ADGRB2: variants seen among roughly 807,000 people sequenced by gnomAD.
ADGRB2 encodes adhesion G protein-coupled receptor B2, also known as brain-specific angiogenesis inhibitor 2.
ADGRB2 carries 47 observed loss-of-function variants against 178.7 expected under a neutral mutation model. The ratio of observed to expected loss-of-function variants is 0.26; its 90% CI spans 0.21 to 0.34. The LOEUF is 0.34. Ranked by LOEUF, ADGRB2 falls within the 10% of genes least tolerant of loss-of-function variation. The pLI, the probability that ADGRB2 is intolerant of heterozygous loss-of-function variation, is 1.00. For synonymous variants in ADGRB2, 870 were observed against 912.4 expected, an observed-to-expected ratio of 0.95 and a Z score of 0.84; for missense variants, 1,584 against 2,180.8, an observed-to-expected ratio of 0.73 and a Z score of 5.45.
intron 20 of ADGRB2, 59 bp from the exon 21 acceptor site, chr1:31,736,782 CGGGCTTCCCACGCCCGCTGCT>C: frequency 6.4e-7 from 1 of 1,565,998 alleles, no homozygotes; most frequent in South Asian, 1.2e-5. Flanking sequence ...CAGGAGGCGC[CGGGCTTCCCACGCCCGCTGCT>C]GGGCGCTGCC....
At position 31,736,763 on chromosome 1, in the gene ADGRB2, C is replaced by T. The variant is rs756749395; in HGVS notation, c.2980-40G>A. The T allele has an allele frequency of 4.4e-6, 7 of 1,595,700 alleles. No homozygotes were observed. In the Admixed American group the frequency reaches 1.2e-4, roughly 28 times the overall value. ...AATGGGAGGGAGTGGCCCTGAGCAG[C>T]CGCCAGGGCAGGAGGCGCCGGGCTT... On this transcript the variant is annotated intron_variant, in intron 20 of 32. Coordinates refer to ENST00000373658, the MANE Select transcript of ADGRB2 (RefSeq NM_001364857.2).
chr1:31,732,786 G>T (rs1645360059), intron 26 of ADGRB2, among the ~76,000 whole-genome samples, 174 bp from the exon 27 acceptor site: 1 of 152,364 alleles, frequency 6.6e-6, no homozygotes, highest in East Asian at 1.9e-4. Context: ...GACCCAGGAG[G>T]CCAAGGATAA....
chr1:31,760,778 G>A (rs1647019847), intron 1 of ADGRB2: 1 of 152,150 alleles, frequency 6.6e-6, no homozygotes, highest in Non-Finnish European at 1.5e-5. Flanking sequence ...CCAGCGCTCG[G>A]ACCCAAGGAC....
intron 29 of ADGRB2, 79 bp downstream of exon 29, chr1:31,730,721 G>A: frequency 7.1e-7 from 1 of 1,401,406 alleles, no homozygotes. Context: ...CTCTGGGGAG[G>A]ATGAGGCTGT....
chr1:31,738,859 G>A lies in ADGRB2; in HGVS notation c.2574C>T (p.Ile858=), dbSNP rs867463746. The A allele has an allele frequency of 1.2e-6, 2 of 1,614,050 alleles. No individual in the cohort carries two copies. Among genetic ancestry groups the A allele is most frequent in the Non-Finnish European group, 1.7e-6 (2 of 1,180,012 alleles). Residue 858 remains isoleucine, a synonymous_variant, in exon 16 of 33, where the codon ATC becomes ATT. Coordinates refer to ENST00000373658, the MANE Select transcript of ADGRB2 (RefSeq NM_001364857.2). ...PPTQPPAEPL[I]TVELSYIING... ...TGATGATGTAGGAGAGCTCCACAGT[G>A]ATGAGGGGCTCAGCTGGAGGCTGGG...
Position 31,735,901 on chromosome 1 carries a change from G to C in ADGRB2, c.3201-8C>G, listed in dbSNP as rs201681314. 6,078 of 1,583,512 alleles carry C rather than the reference G, an allele frequency of 3.8e-3. 23 individuals carry two copies. The highest frequency in any genetic ancestry group is 4.1e-3 in the Non-Finnish European group (4,813 of 1,164,700). On this transcript the variant is annotated splice_region_variant and splice_polypyrimidine_tract_variant and intron_variant, in intron 22 of 32. Transcript: ENST00000373658. This position sits in a 1 kb window ranked among gnomAD's most constrained non-coding sequence, Gnocchi z 6.0. Reference sequence around the variant, plus strand: ...TCCAGGGAGAGCCAGCAGCTGGGGTGGGGGAGAAGAAGGGTGTCAGACACC... The same window carrying C: ...TCCAGGGAGAGCCAGCAGCTGGGGTCGGGGAGAAGAAGGGTGTCAGACACC...
At chr1:31,747,691 C>T (rs1646347269) in intron 4 of ADGRB2, among the ~76,000 whole-genome samples, 1 of 152,158 alleles carries the variant, frequency 6.6e-6, no homozygotes, top group African/African-American at 2.4e-5. Context: ...CTCTCCTTGA[C>T]CCCCAGGGAA....
chr1:31,740,350 C>T lies in ADGRB2; in HGVS notation c.1986G>A (p.Val662=), dbSNP rs767645572. 4 of 1,611,442 alleles carry T rather than the reference C, an allele frequency of 2.5e-6. No homozygotes were observed. The highest frequency in any genetic ancestry group is 2.2e-5 in the South Asian group (2 of 90,702). Residue 662 remains valine (V), a synonymous_variant, in exon 12 of 33, where the codon GTG becomes GTA. Transcript: ENST00000373658. The surrounding 1 kb of genome is among the most constrained non-coding windows in gnomAD (Gnocchi z 5.9). ...CCTCCTTCCTCCTAGGCAGTACCTG[C>T]ACATCATCAGCCGAGGGCACGTAGG... ...RATYVPSADD[V]QRFFQVVSFM...
Position 31,727,379 on chromosome 1 carries a change from G to T in ADGRB2, c.*41C>A, listed in dbSNP as rs779497391. The T allele has an allele frequency of 1.9e-5, 30 of 1,549,424 alleles. No homozygotes were observed. Among genetic ancestry groups the T allele is most frequent in the Admixed American group, 2.2e-5 (1 of 44,980 alleles). On this transcript the variant is annotated 3_prime_UTR_variant, in exon 33 of 33. Coordinates refer to ENST00000373658, the MANE Select transcript of ADGRB2 (RefSeq NM_001364857.2). This position sits in a 1 kb window ranked among gnomAD's most constrained non-coding sequence, Gnocchi z 4.4. Reference sequence around the variant, plus strand: ...CCAAAGTGGAGTGTGAAAATAGAGAGATATATATATTTATATGCAGTGGGC... The same window carrying T: ...CCAAAGTGGAGTGTGAAAATAGAGATATATATATATTTATATGCAGTGGGC...
chr1:31,759,463 C>A lies in ADGRB2; in HGVS notation c.-190-1952G>T. 2 of 743,536 alleles carry A rather than the reference C, an allele frequency of 2.7e-6. No homozygotes were observed. Among genetic ancestry groups the A allele is most frequent in the South Asian group, 1.4e-5 (1 of 70,070 alleles). The allele number at this position is 743,536 out of a possible 1,614,324, so 46.1% of individuals were successfully genotyped here. On this transcript the variant is annotated intron_variant, in intron 1 of 32. Coordinates refer to ENST00000373658, the MANE Select transcript of ADGRB2 (RefSeq NM_001364857.2). This position sits in a 1 kb window ranked among gnomAD's most constrained non-coding sequence, Gnocchi z 4.3. ...GCTGCTGCTCCCTACTCCACAGCCCCGCCCCATCAAGAAGCACAAGGTCCA... is the reference window on the plus strand; with the variant it reads ...GCTGCTGCTCCCTACTCCACAGCCCAGCCCCATCAAGAAGCACAAGGTCCA...
chr1:31,727,998 C>T lies in ADGRB2; in HGVS notation c.4572+27G>A, dbSNP rs574702708. ...GGGCACGGGTCCCTCAGGCCCACCTCACCCCACCCAGCCCGGGGGGACTCA... is the reference window on the plus strand; with the variant it reads ...GGGCACGGGTCCCTCAGGCCCACCTTACCCCACCCAGCCCGGGGGGACTCA... On this transcript the variant is annotated intron_variant, in intron 32 of 32. Transcript: ENST00000373658. The surrounding 1 kb of genome is among the most constrained non-coding windows in gnomAD (Gnocchi z 4.4). 6.5e-7 allele frequency: 1 copy of T among 1,537,694 alleles called. No individual in the cohort carries two copies. The highest frequency in any genetic ancestry group is 2.0e-5 in the Admixed American group (1 of 51,176).
Position 31,744,639 on chromosome 1 carries a change from C to T in ADGRB2, c.922+9G>A. 3.1e-6 allele frequency: 5 copies of T among 1,613,890 alleles called. No homozygotes were observed. The highest frequency in any genetic ancestry group is 4.2e-6 in the Non-Finnish European group (5 of 1,179,898). ...CCGCCGCAGAGGAAGGGAGGCGGGC[C>T]CGAGTTACCTGTCTGCGCCATGTAT... On this transcript the variant is annotated intron_variant, in intron 5 of 32. Transcript: ENST00000373658. This position sits in a 1 kb window ranked among gnomAD's most constrained non-coding sequence, Gnocchi z 6.7.
rs748330893 is a variant in ADGRB2 at position 31,755,978 on chromosome 1, C to T, written c.838+21G>A. The T allele has an allele frequency of 4.4e-6, 7 of 1,585,298 alleles. No individual in the cohort carries two copies. The South Asian group carries it at 6.9e-5, about 16-fold the overall frequency. On this transcript the variant is annotated intron_variant, in intron 4 of 32. Coordinates refer to ENST00000373658, the MANE Select transcript of ADGRB2 (RefSeq NM_001364857.2). This position sits in a 1 kb window ranked among gnomAD's most constrained non-coding sequence, Gnocchi z 5.1. Reference sequence around the variant, plus strand: ...TCAGCCCCTGCAGACCCCGCCCCACCCAGGCCCTGCTGAGACTCACCATAT... The same window carrying T: ...TCAGCCCCTGCAGACCCCGCCCCACTCAGGCCCTGCTGAGACTCACCATAT...
Position 31,753,169 on chromosome 1 carries a change from C to T in ADGRB2, c.838+2830G>A, listed in dbSNP as rs1402826223. On this transcript the variant is annotated intron_variant, in intron 4 of 32. Transcript: ENST00000373658. This position sits in a 1 kb window ranked among gnomAD's most constrained non-coding sequence, Gnocchi z 4.1. ...CTGCAGCTGGCACTAACTCTGCGGCCCGCCTTCCAGCCCTGACCTCAGCCA... is the reference window on the plus strand; with the variant it reads ...CTGCAGCTGGCACTAACTCTGCGGCTCGCCTTCCAGCCCTGACCTCAGCCA... 6.6e-6 allele frequency among the ~76,000 whole-genome samples: 1 copy of T among 152,184 alleles called. No individual in the cohort carries two copies. Among genetic ancestry groups the T allele is most frequent in the Non-Finnish European group, 1.5e-5 (1 of 68,028 alleles).
In ADGRB2 at chr1:31,735,984, C is replaced by A; in HGVS notation, c.3201-91G>T. 7.6e-7 allele frequency: 1 copy of A among 1,322,744 alleles called. No individual in the cohort carries two copies. Among genetic ancestry groups the A allele is most frequent in the Non-Finnish European group, 1.0e-6 (1 of 964,782 alleles). The allele number at this position is 1,322,744 out of a possible 1,614,324, so 81.9% of individuals were successfully genotyped here. On this transcript the variant is annotated intron_variant, in intron 22 of 32. Coordinates refer to ENST00000373658, the MANE Select transcript of ADGRB2 (RefSeq NM_001364857.2). The surrounding 1 kb of genome is among the most constrained non-coding windows in gnomAD (Gnocchi z 6.0). ...CCCTCAGTCCTCCCAGGCTGCCATG[C>A]CCGCATCACCAGTGCAGTCTGAGCC...
intron 26 of ADGRB2, 81 bp from the exon 27 acceptor site, chr1:31,732,693 G>A (rs962339334): frequency 1.4e-6 from 2 of 1,474,372 alleles, no homozygotes; most frequent in Non-Finnish European, 9.3e-7. Context: ...CACCCCAGAT[G>A]CCCAGGCAAG....
In ADGRB2 at chr1:31,757,501, C is replaced by T. The variant is rs1003375860; in HGVS notation, c.-180G>A. 4.2e-6 allele frequency: 2 copies of T among 478,626 alleles called. No homozygotes were observed. Among genetic ancestry groups the T allele is most frequent in the African/African-American group, 3.9e-5 (2 of 51,688 alleles). The allele number at this position is 478,626 out of a possible 1,614,324, so 29.6% of individuals were successfully genotyped here. ...AGTGTGGACGTCACATGTATCACTGCTGTGGATTTCCTGGTTGGAATAAGG... is the reference window on the plus strand; with the variant it reads ...AGTGTGGACGTCACATGTATCACTGTTGTGGATTTCCTGGTTGGAATAAGG... On this transcript the variant is annotated 5_prime_UTR_variant, in exon 2 of 33. Transcript: ENST00000373658.
rs1431658845 is a variant in ADGRB2 at position 31,744,035 on chromosome 1, G to C, written c.1087+158C>G. Among the ~76,000 whole-genome samples, 1 of 152,214 alleles carries C rather than the reference G, an allele frequency of 6.6e-6. No homozygotes were observed. The highest frequency in any genetic ancestry group is 2.4e-5 in the African/African-American group (1 of 41,458). On this transcript the variant is annotated intron_variant, in intron 6 of 32. Transcript: ENST00000373658. This position sits in a 1 kb window ranked among gnomAD's most constrained non-coding sequence, Gnocchi z 6.7. ...TCTGTGCCCCCAGTGCCCTGCACCG[G>C]GCTGGCATGGTACGCAGAGTTGGGC...
Position 31,756,584 on chromosome 1 carries a change from G to T in ADGRB2, c.253C>A (p.Arg85Ser), listed in dbSNP as rs1273238867. 2 of 1,610,216 alleles carry T rather than the reference G, an allele frequency of 1.2e-6. No individual in the cohort carries two copies. Among genetic ancestry groups the T allele is most frequent in the South Asian group, 2.2e-5 (2 of 90,470 alleles). The part of the protein sequence containing the change: ...TKYSLYLRFN[R>S]QEQVCAHFAP... Reference sequence around the variant, plus strand: ...AAGTGTGCGCACACCTGCTCCTGGCGGTTGAAGCGCAGGTAGAGGGAGTAC... The same window carrying T: ...AAGTGTGCGCACACCTGCTCCTGGCTGTTGAAGCGCAGGTAGAGGGAGTAC... Residue 85 changes from arginine (R) to serine (S), a missense_variant, in exon 4 of 33, where the codon CGC becomes AGC. Transcript: ENST00000373658. The surrounding 1 kb of genome is among the most constrained non-coding windows in gnomAD (Gnocchi z 8.5).
Sources: allele counts gnomAD v4.1 joint callset (sites outside exome capture counted in the v4.1 genomes callset), GRCh38; gene constraint gnomAD v4.1.1; non-coding constraint Gnocchi (gnomAD v3.1); transcripts MANE v1.5; gene names NCBI Gene and HGNC (gene_info 2026-07-23, HGNC 2026-07-21).